PPM1D: variants seen among roughly 807,000 people sequenced by gnomAD.
PPM1D encodes the protein protein phosphatase 1D.
A neutral mutation model predicts 58.3 loss-of-function variants in PPM1D; 52 were observed. That is an observed-to-expected ratio of 0.89 (90% CI 0.71 to 1.12). The LOEUF (loss-of-function observed/expected upper bound fraction) is 1.12, where lower values mean the gene tolerates loss of function less well. PPM1D is among the 50% of genes most tolerant of loss of function. PPM1D has a pLI of 0.00. For synonymous variants in PPM1D, 278 were observed against 285.1 expected (o/e 0.98, Z 0.25); for missense variants, 564 against 777.2 (o/e 0.73, Z 3.26).
chr17:60,638,346 A>G (rs2031065688), intron 3 of PPM1D, among the ~76,000 whole-genome samples: 1 of 152,138 alleles, frequency 6.6e-6, no homozygotes, highest in African/African-American at 2.4e-5. Context: ...TTACTTTTCA[A>G]ACCATTATTC....
intron 1 of PPM1D, among the ~76,000 whole-genome samples, chr17:60,613,979 T>TGCCCAAGGGCTGAGGAGTGCGG (rs71148307): frequency 0.7 from 100,506 of 143,614 alleles, 42,492 homozygotes; most frequent in South Asian, 0.92. Context: ...TCCCGTCGAC[T>TGCCCAAGGGCTGAGGAGTGCGG]GCCCAAGGGC....
chr17:60,615,258 G>C (rs149488797), intron 1 of PPM1D, among the ~76,000 whole-genome samples: 17 of 151,948 alleles, frequency 1.1e-4, no homozygotes, highest in African/African-American at 4.1e-4. Context: ...TTAGCTGGGC[G>C]TGGTGGCGTG....
At position 60,624,260 on chromosome 17, in the gene PPM1D, C is replaced by T. The variant is rs551885466; in HGVS notation, c.701+511C>T. Among the ~76,000 whole-genome samples the T allele has an allele frequency of 2.4e-3, 359 of 152,128 alleles. 1 individual carries two copies. The highest frequency in any genetic ancestry group is 8.2e-3 in the African/African-American group (340 of 41,506). On this transcript the variant is annotated intron_variant, in intron 2 of 5. Transcript: ENST00000305921. Reference sequence around the variant, plus strand: ...CAATTTTATATTTTTATGATTCAAACTTAAATGAAAGATTATTCTAAAAAT... The same window carrying T: ...CAATTTTATATTTTTATGATTCAAATTTAAATGAAAGATTATTCTAAAAAT...
At chr17:60,643,342 A>T (rs570348721) in intron 3 of PPM1D, among the ~76,000 whole-genome samples, 1 of 151,720 alleles carries the variant, frequency 6.6e-6, no homozygotes. Flanking sequence ...GATCGCACCA[A>T]TGCACTCCAT....
At chr17:60,630,373 A>C (rs183194776) in intron 2 of PPM1D, among the ~76,000 whole-genome samples, 8 of 152,100 alleles carry the variant, frequency 5.3e-5, no homozygotes. Flanking sequence ...TTTTGGCTTT[A>C]TTACCAAAAA....
intron 1 of PPM1D, among the ~76,000 whole-genome samples, chr17:60,608,223 T>TA (rs1217832447): frequency 6.6e-6 from 1 of 152,234 alleles, no homozygotes; most frequent in African/African-American, 2.4e-5. Context: ...TGATATCACT[T>TA]AGAGAAATAG....
At chr17:60,619,052 C>A (rs955967928) in intron 1 of PPM1D, among the ~76,000 whole-genome samples, 4 of 152,178 alleles carry the variant, frequency 2.6e-5, no homozygotes, top group Non-Finnish European at 4.4e-5. Context: ...TCTCCTAACC[C>A]CTAATCCCTG....
At chr17:60,604,929 G>T (rs1197039018) in intron 1 of PPM1D, among the ~76,000 whole-genome samples, 1 of 152,080 alleles carries the variant, frequency 6.6e-6, no homozygotes, top group Non-Finnish European at 1.5e-5. Flanking sequence ...AGCGATTCTC[G>T]TGCCTCAGCC....
At chr17:60,621,350 CCA>C (rs2030697152) in intron 1 of PPM1D, among the ~76,000 whole-genome samples, 1 of 152,004 alleles carries the variant, frequency 6.6e-6, no homozygotes, top group Admixed American at 6.6e-5. Context: ...TTTTCCAGTG[CCA>C]TTTATTGAAG....
chr17:60,659,337 AG>A (rs1461822073), intron 5 of PPM1D, among the ~76,000 whole-genome samples: 1 of 152,224 alleles, frequency 6.6e-6, no homozygotes, highest in African/African-American at 2.4e-5. Context: ...CATTTAGACA[AG>A]GCATTTGAGA....
chr17:60,610,531 A>G lies in PPM1D; in HGVS notation c.472+9645A>G, dbSNP rs990711188. Among the ~76,000 whole-genome samples, 4 of 152,192 alleles carry G rather than the reference A, an allele frequency of 2.6e-5. No individual in the cohort carries two copies. In the East Asian group the frequency reaches 5.8e-4, roughly 22 times the overall value. ...CGTACATGTCTTTGGTTGTTCTTCA[A>G]ATATCTGAGGGGTTCTCTGAGAGCC... On this transcript the variant is annotated intron_variant, in intron 1 of 5. Transcript: ENST00000305921.
intron 3 of PPM1D, among the ~76,000 whole-genome samples, chr17:60,641,417 C>T (rs1290215029): frequency 3.9e-5 from 6 of 152,038 alleles, no homozygotes; most frequent in Non-Finnish European, 8.8e-5. Context: ...TGCCTTTTGC[C>T]CACTTTCTAA....
rs1025947749 is a variant in PPM1D at position 60,664,122 on chromosome 17, C to A, written c.*570C>A. The A allele has an allele frequency of 3.9e-5, 6 of 153,974 alleles. No individual in the cohort carries two copies. Among genetic ancestry groups the A allele is most frequent in the Admixed American group, 3.2e-4 (5 of 15,492 alleles). The allele number at this position is 153,974 out of a possible 1,614,324, so 9.5% of individuals were successfully genotyped here. A position where few individuals can be genotyped will look rare whatever the true frequency, so the allele number is the denominator to read the frequency against. On this transcript the variant is annotated 3_prime_UTR_variant, in exon 6 of 6. Coordinates refer to ENST00000305921, the MANE Select transcript of PPM1D (RefSeq NM_003620.4). Reference sequence around the variant, plus strand: ...TTTTTCATAGAAGTGTTGAGCCATGCTACAGTTAGTCTTGTCCCAATTAAA... The same window carrying A: ...TTTTTCATAGAAGTGTTGAGCCATGATACAGTTAGTCTTGTCCCAATTAAA...
At chr17:60,608,985 G>T (rs1245726311) in intron 1 of PPM1D, among the ~76,000 whole-genome samples, 1 of 151,848 alleles carries the variant, frequency 6.6e-6, no homozygotes, top group African/African-American at 2.4e-5. Context: ...CTGACCTCGT[G>T]ATGTGCCCTC....
At chr17:60,620,108 C>T (rs762970880) in intron 1 of PPM1D, among the ~76,000 whole-genome samples, 30 of 152,012 alleles carry the variant, frequency 2.0e-4, no homozygotes, top group Non-Finnish European at 4.1e-4. Flanking sequence ...AAACTATTCT[C>T]CTGTCTCAGC....
rs527237715 is a variant in PPM1D, at chr17:60,660,431, A to G, written c.1261-2564A>G. Among the ~76,000 whole-genome samples the G allele has an allele frequency of 1.1e-4, 16 of 152,300 alleles. 1 individual carries two copies. In the South Asian group the frequency reaches 1.2e-3, roughly 12 times the overall value. On this transcript the variant is annotated intron_variant, in intron 5 of 5. Transcript: ENST00000305921. Reference sequence around the variant, plus strand: ...TTCTTTGTCCTTTTCTTCAGTGTCCATTGGTCCTAAAGTCTATATATATAT... The same window carrying G: ...TTCTTTGTCCTTTTCTTCAGTGTCCGTTGGTCCTAAAGTCTATATATATAT...
intron 2 of PPM1D, among the ~76,000 whole-genome samples, chr17:60,630,720 A>G (rs1379254214): frequency 6.6e-6 from 1 of 152,244 alleles, no homozygotes. Flanking sequence ...TCAGAAACAC[A>G]GATCATAATA....
intron 4 of PPM1D, among the ~76,000 whole-genome samples, chr17:60,655,580 C>T (rs1315226775): frequency 1.3e-5 from 2 of 152,204 alleles, no homozygotes; most frequent in East Asian, 3.8e-4. Flanking sequence ...AATTCCTGAC[C>T]TTGCAGTCCA....
chr17:60,632,882 G>T (rs2143672925), intron 2 of PPM1D, among the ~76,000 whole-genome samples: 1 of 152,082 alleles, frequency 6.6e-6, no homozygotes, highest in Non-Finnish European at 1.5e-5. Context: ...CAGAATAATC[G>T]CTTGAACCCA....
Sources: allele counts gnomAD v4.1 joint callset (sites outside exome capture counted in the v4.1 genomes callset), GRCh38; gene constraint gnomAD v4.1.1; transcripts MANE v1.5; gene names NCBI Gene and HGNC (gene_info 2026-07-23, HGNC 2026-07-21).